Variants in C9orf153 observed in about 807,000 individuals in gnomAD.
C9orf153 encodes the protein chromosome 9 open reading frame 153, also known as uncharacterized protein C9orf153.
A neutral mutation model predicts 9.0 loss-of-function variants in C9orf153; 10 were observed. The observed-to-expected ratio is 1.11, with a 90% confidence interval of 0.69 to 1.89. C9orf153 has a LOEUF of 1.89. C9orf153 is among the 40% of genes most tolerant of loss of function. C9orf153 has a pLI of 0.00. For synonymous variants in C9orf153, 35 were observed against 37.3 expected (o/e 0.94, Z 0.23); for missense variants, 108 against 111.0 (o/e 0.97, Z 0.12).
At chr9:86,239,428 A>G (rs1824680640) in intron 1 of C9orf153, among the ~76,000 whole-genome samples, 2 of 152,224 alleles carry the variant, frequency 1.3e-5, no homozygotes, top group Admixed American at 6.5e-5. Context: ...TCAGATCAGC[A>G]GAAAGAAAAA....
At chr9:86,235,741 CAAAAAAAAAAAAAAAA>C (rs60165641) in intron 1 of C9orf153, among the ~76,000 whole-genome samples, 1 of 22,056 alleles carries the variant, frequency 4.5e-5, no homozygotes, top group South Asian at 3.8e-3. Flanking sequence ...GACTCCATCT[CAAAAAAAAAAAAAAAA>C]AAAAAAAAAA....
chr9:86,231,490 G>C (rs1363236688), intron 1 of C9orf153, among the ~76,000 whole-genome samples: 1 of 150,974 alleles, frequency 6.6e-6, no homozygotes, highest in African/African-American at 2.5e-5. Flanking sequence ...TTGGTATTTG[G>C]AATGAAGTGA....
chr9:86,227,343 AT>A, intron 3 of C9orf153: 1 of 1,525,704 alleles, frequency 6.6e-7, no homozygotes, highest in Non-Finnish European at 8.8e-7. Context: ...TTATTTATTT[AT>A]TTTTGGAGAT....
Position 86,221,659 on chromosome 9 carries a change from C to T in C9orf153, c.*29G>A. 1 of 1,544,320 alleles carries T rather than the reference C, an allele frequency of 6.5e-7. No homozygotes were observed. The highest frequency in any genetic ancestry group is 8.7e-7 in the Non-Finnish European group (1 of 1,144,260). ...TATTTTATGTCTCCGAATGAAATTG[C>T]AGTAGTGCGCCTCCACTTCGCAAGC... On this transcript the variant is annotated 3_prime_UTR_variant, in exon 4 of 4. Coordinates refer to ENST00000339137, the MANE Select transcript of C9orf153 (RefSeq NM_001276366.4).
chr9:86,224,113 C>A (rs957707804), intron 3 of C9orf153, among the ~76,000 whole-genome samples: 3 of 151,914 alleles, frequency 2.0e-5, no homozygotes, highest in Non-Finnish European at 4.4e-5. Context: ...TGGGCCAGGA[C>A]CAGTGGCTCA....
chr9:86,256,516 C>T (rs753663615), intron 1 of C9orf153, among the ~76,000 whole-genome samples: 5 of 152,124 alleles, frequency 3.3e-5, no homozygotes, highest in East Asian at 3.8e-4. Context: ...CATTTAAATA[C>T]GCAGGAGCTA....
At chr9:86,251,299 G>A (rs538992835) in intron 1 of C9orf153, among the ~76,000 whole-genome samples, 56 of 152,194 alleles carry the variant, frequency 3.7e-4, no homozygotes, top group African/African-American at 1.3e-3. Flanking sequence ...AGATCTGTTA[G>A]TAAATATGTC....
At chr9:86,226,919 C>T (rs1395323955) in intron 3 of C9orf153, among the ~76,000 whole-genome samples, 1 of 152,126 alleles carries the variant, frequency 6.6e-6, no homozygotes, top group Non-Finnish European at 1.5e-5. Flanking sequence ...CACCCACCAC[C>T]ACGCCCAGCT....
chr9:86,242,071 G>C (rs1016051809), intron 1 of C9orf153, among the ~76,000 whole-genome samples: 3 of 152,174 alleles, frequency 2.0e-5, no homozygotes, highest in Non-Finnish European at 4.4e-5. Flanking sequence ...GGTGATGGAG[G>C]GTTGCAACTT....
At chr9:86,224,253 G>A (rs1315569494) in intron 3 of C9orf153, among the ~76,000 whole-genome samples, 1 of 152,104 alleles carries the variant, frequency 6.6e-6, no homozygotes, top group African/African-American at 2.4e-5. Flanking sequence ...CAGTTGTGGT[G>A]GCATGCACCT....
Position 86,221,568 on chromosome 9 carries a change from C to A in C9orf153, c.*120G>T, listed in dbSNP as rs973211928. ...TTGAGGATAAATGACCAAAGACTTG[C>A]GAACTATAGGGGGGAAAATAACGTC... On this transcript the variant is annotated 3_prime_UTR_variant, in exon 4 of 4. Transcript: ENST00000339137. 1.5e-6 allele frequency: 2 copies of A among 1,364,972 alleles called. No individual in the cohort carries two copies. The allele number at this position is 1,364,972 out of a possible 1,614,324, so 84.6% of individuals were successfully genotyped here. A position where few individuals can be genotyped will look rare whatever the true frequency, so the allele number is the denominator to read the frequency against.
chr9:86,223,243 C>T (rs1201419923), intron 3 of C9orf153, among the ~76,000 whole-genome samples: 1 of 152,056 alleles, frequency 6.6e-6, no homozygotes, highest in Admixed American at 6.6e-5. Flanking sequence ...CCTCAGGTGA[C>T]CCACCTACCT....
intron 2 of C9orf153, 106 bp downstream of exon 2, chr9:86,229,432 C>T (rs952893699): frequency 1.5e-5 from 11 of 732,306 alleles, no homozygotes; most frequent in African/African-American, 3.6e-5. Flanking sequence ...TTGGAGTTTC[C>T]CATGGCTCCC....
chr9:86,239,355 T>C (rs1321779935), intron 1 of C9orf153, among the ~76,000 whole-genome samples: 1 of 152,222 alleles, frequency 6.6e-6, no homozygotes, highest in Admixed American at 6.5e-5. Flanking sequence ...CTTACAATTC[T>C]TTGCACTTTT....
At chr9:86,240,085 T>C (rs1824697389) in intron 1 of C9orf153, among the ~76,000 whole-genome samples, 1 of 152,226 alleles carries the variant, frequency 6.6e-6, no homozygotes, top group Admixed American at 6.5e-5. Context: ...ATTTACTATA[T>C]GCCTTTATAA....
chr9:86,227,054 C>T (rs1265940713), intron 3 of C9orf153, among the ~76,000 whole-genome samples: 1 of 152,216 alleles, frequency 6.6e-6, no homozygotes, highest in Non-Finnish European at 1.5e-5. Context: ...GCATGAGCCA[C>T]CATGCCTGGC....
chr9:86,255,596 T>C (rs1825105498), intron 1 of C9orf153, among the ~76,000 whole-genome samples: 1 of 152,182 alleles, frequency 6.6e-6, no homozygotes, highest in African/African-American at 2.4e-5. Flanking sequence ...TGCCATAACC[T>C]GTCATGCACC....
chr9:86,230,547 C>G (rs929610163), intron 1 of C9orf153, among the ~76,000 whole-genome samples: 5 of 152,314 alleles, frequency 3.3e-5, no homozygotes, highest in Admixed American at 3.3e-4. Flanking sequence ...GTGATCCACC[C>G]ACCTCGGCCT....
intron 1 of C9orf153, among the ~76,000 whole-genome samples, chr9:86,252,016 G>A (rs566565555): frequency 6.9e-5 from 8 of 115,664 alleles, no homozygotes; most frequent in East Asian, 1.4e-3. Context: ...TCATGCTGTC[G>A]TTATTTGGTC....
Sources: allele counts gnomAD v4.1 joint callset (sites outside exome capture counted in the v4.1 genomes callset), GRCh38; gene constraint gnomAD v4.1.1; transcripts MANE v1.5; gene names NCBI Gene and HGNC (gene_info 2026-07-23, HGNC 2026-07-21).